Variants in ZFAT observed in about 807,000 individuals in gnomAD.
ZFAT encodes the protein zinc finger and AT-hook domain containing, also known as zinc finger protein ZFAT.
ZFAT carries 64 observed loss-of-function variants against 117.7 expected under a neutral mutation model. The ratio of observed to expected loss-of-function variants is 0.54; its 90% CI spans 0.44 to 0.67. The LOEUF is 0.67. Ranked by LOEUF, ZFAT falls within the 30% of genes least tolerant of loss-of-function variation. The probability of loss-of-function intolerance (pLI) is 0.00; values close to 1 mark genes in which losing one functional copy is unlikely to be tolerated. For missense variants in ZFAT, 1,433 were observed against 1,584.5 expected (o/e 0.90, Z 1.62); for synonymous variants, 679 against 615.0 (o/e 1.10, Z -1.54).
chr8:134,829,992 TAA>T, the ZFAT span, among the ~76,000 whole-genome samples: 1 of 152,208 alleles, frequency 6.6e-6, no homozygotes, highest in South Asian at 2.1e-4. Context: ...AATGATTTTT[TAA>T]AAAACCAAGA....
the ZFAT span, among the ~76,000 whole-genome samples, chr8:134,818,741 A>G: frequency 1.3e-5 from 2 of 152,242 alleles, no homozygotes; most frequent in South Asian, 4.1e-4. Flanking sequence ...TGGTATATCC[A>G]TACAATGGAA....
the ZFAT span, among the ~76,000 whole-genome samples, chr8:134,828,477 T>C: frequency 6.6e-6 from 1 of 152,298 alleles, no homozygotes; most frequent in East Asian, 1.9e-4. Flanking sequence ...TCAAACCCCT[T>C]CTCTAAGAAT....
At position 134,600,437 on chromosome 8, in the gene ZFAT, A is replaced by T; in HGVS notation, c.2474T>A (p.Leu825Gln). 1 of 1,614,012 alleles carries T rather than the reference A, an allele frequency of 6.2e-7. No homozygotes were observed. The highest frequency in any genetic ancestry group is 8.5e-7 in the Non-Finnish European group (1 of 1,179,838). ...CTGCCGCTTGGGCTTGCTACTTACC[A>T]GTGCTGTGTGAACTTTAAGATGTGC... The part of the protein sequence containing the change: ...LQAHLKVHTA[L>Q]DKRSYSCPVC... Residue 825 changes from leucine (L) to glutamine (Q), a missense_variant and splice_region_variant, in exon 7 of 16, where the codon CTG becomes CAG. This residue lies in a region of ZFAT where 503 missense variants were observed against 543.4 expected (regional missense o/e 0.93). Transcript: ENST00000377838.
chr8:134,516,145 G>C (rs759582991), intron 13 of ZFAT, among the ~76,000 whole-genome samples: 1 of 152,202 alleles, frequency 6.6e-6, no homozygotes, highest in African/African-American at 2.4e-5. Context: ...CAGGGTGTTT[G>C]CCTTAGAGAG....
chr8:134,694,093 G>A (rs1336432559), intron 1 of ZFAT, among the ~76,000 whole-genome samples: 1 of 152,148 alleles, frequency 6.6e-6, no homozygotes, highest in Non-Finnish European at 1.5e-5. Flanking sequence ...GGAACACAAG[G>A]CCAGAGGCAG....
At chr8:134,813,661 T>C in the ZFAT span, among the ~76,000 whole-genome samples, 5 of 152,228 alleles carry the variant, frequency 3.3e-5, no homozygotes, top group African/African-American at 1.2e-4. Flanking sequence ...TTGATCCACC[T>C]GCCTCAGCCG....
At chr8:134,599,567 C>G (rs560582764) in intron 7 of ZFAT, 1 of 340,516 alleles carries the variant, frequency 2.9e-6, no homozygotes, top group Non-Finnish European at 5.6e-6. Context: ...CCCCAAAGCC[C>G]ATGCTCTGAC....
At chr8:134,611,285 A>C (rs1341067942) in intron 3 of ZFAT, among the ~76,000 whole-genome samples, 1 of 152,268 alleles carries the variant, frequency 6.6e-6, no homozygotes, top group Admixed American at 6.5e-5. Context: ...AGCATGTGCG[A>C]AGCAATGGTC....
At chr8:134,513,729 AAAG>A (rs1471703064) in intron 13 of ZFAT, among the ~76,000 whole-genome samples, 1 of 152,202 alleles carries the variant, frequency 6.6e-6, no homozygotes, top group South Asian at 2.1e-4. Context: ...AGAAGAACAA[AAAG>A]AAGGACTTCA....
chr8:134,776,591 C>T, the ZFAT span, among the ~76,000 whole-genome samples: 6 of 152,088 alleles, frequency 3.9e-5, no homozygotes, highest in African/African-American at 1.2e-4. Context: ...TCTACAGTTC[C>T]CCCCTCCTGC....
the ZFAT span, among the ~76,000 whole-genome samples, chr8:134,725,700 C>A: frequency 6.6e-6 from 1 of 151,830 alleles, no homozygotes; most frequent in Non-Finnish European, 1.5e-5. Context: ...GCCTCCCATA[C>A]ATATTGAATG....
At chr8:134,830,778 T>C in the ZFAT span, among the ~76,000 whole-genome samples, 471 of 152,378 alleles carry the variant, frequency 3.1e-3, 5 homozygotes, top group Admixed American at 6.3e-3. Flanking sequence ...GAAACCATTA[T>C]ATCGGTAATT....
At chr8:134,697,792 G>T (rs539561514) in intron 1 of ZFAT, among the ~76,000 whole-genome samples, 86 of 149,308 alleles carry the variant, frequency 5.8e-4, no homozygotes, top group African/African-American at 1.3e-3. Flanking sequence ...TGTTGGCCAG[G>T]CTGATCTTAA....
In ZFAT at chr8:134,478,360, T is replaced by G. The variant is rs771665238; in HGVS notation, c.*122A>C. 11 of 1,417,920 alleles carry G rather than the reference T, an allele frequency of 7.8e-6. No individual in the cohort carries two copies. Among genetic ancestry groups the G allele is most frequent in the Non-Finnish European group, 9.3e-6 (10 of 1,070,976 alleles). The allele number at this position is 1,417,920 out of a possible 1,614,324, so 87.8% of individuals were successfully genotyped here. A position where few individuals can be genotyped will look rare whatever the true frequency, so the allele number is the denominator to read the frequency against. On this transcript the variant is annotated 3_prime_UTR_variant, in exon 16 of 16. Transcript: ENST00000377838. The surrounding 1 kb of genome is among the most constrained non-coding windows in gnomAD (Gnocchi z 5.2). ...GACTAGGAGAGTCCTATCAGGCTGCTGGGCAGGGAGGGCAAAGGAGAGCAC... is the reference window on the plus strand; with the variant it reads ...GACTAGGAGAGTCCTATCAGGCTGCGGGGCAGGGAGGGCAAAGGAGAGCAC...
At chr8:134,635,509 A>G (rs1158730030) in intron 3 of ZFAT, among the ~76,000 whole-genome samples, 1 of 152,192 alleles carries the variant, frequency 6.6e-6, no homozygotes, top group Non-Finnish European at 1.5e-5. Context: ...GAAACTACAG[A>G]CAGCAGAGCT....
rs1029731271 is a variant in ZFAT at position 134,482,971 on chromosome 8, C to G, written c.3493-4250G>C. 3.3e-5 allele frequency among the ~76,000 whole-genome samples: 5 copies of G among 152,150 alleles called. No individual in the cohort carries two copies. The East Asian group carries it at 7.7e-4, about 23-fold the overall frequency. Reference sequence around the variant, plus strand: ...GCTCTGCTGGCCCTGCAGACGCTGCCCACACAGATGTCCACGTCACAAAAA... The same window carrying G: ...GCTCTGCTGGCCCTGCAGACGCTGCGCACACAGATGTCCACGTCACAAAAA... On this transcript the variant is annotated intron_variant, in intron 15 of 15. Coordinates refer to ENST00000377838, the MANE Select transcript of ZFAT (RefSeq NM_020863.4).
At chr8:134,577,120 T>C (rs1429408737) in intron 10 of ZFAT, among the ~76,000 whole-genome samples, 1 of 152,228 alleles carries the variant, frequency 6.6e-6, no homozygotes, top group Non-Finnish European at 1.5e-5. Context: ...GAAACTACAT[T>C]ACAGCATGAT....
chr8:134,650,739 C>A (rs753171230), intron 2 of ZFAT, among the ~76,000 whole-genome samples: 1 of 152,082 alleles, frequency 6.6e-6, no homozygotes, highest in Non-Finnish European at 1.5e-5. Context: ...ATTAAGAGTC[C>A]AGAATTAAAC....
At chr8:134,544,875 CT>C (rs992987347) in intron 11 of ZFAT, among the ~76,000 whole-genome samples, 16 of 152,182 alleles carry the variant, frequency 1.1e-4, no homozygotes, top group Non-Finnish European at 2.4e-4. Flanking sequence ...GGTGCAACCA[CT>C]TTGGAAAACA....
Sources: gnomAD v4.1 joint callset for allele counts (sites outside exome capture counted in the v4.1 genomes callset) on GRCh38, gnomAD v4.1.1 for gene constraint, gnomAD v4.1.1 regional missense constraint, Gnocchi (gnomAD v3.1) non-coding constraint, MANE v1.5 for transcripts, NCBI Gene and HGNC (gene_info 2026-07-23, HGNC 2026-07-21) for gene names.